STXBP6: variants seen among roughly 807,000 people sequenced by gnomAD.
STXBP6 encodes the protein syntaxin binding protein 6.
In STXBP6, 21 loss-of-function variants were observed where a neutral mutation model predicts 26.9. That is an observed-to-expected ratio of 0.78 (90% CI 0.55 to 1.12). The LOEUF is 1.12. Ranked by LOEUF, STXBP6 falls within the 50% of genes most tolerant of loss-of-function variation. STXBP6 has a pLI of 0.00. For synonymous variants in STXBP6, 97 were observed against 92.6 expected, an observed-to-expected ratio of 1.05 and a Z score of -0.27; for missense variants, 232 against 257.9, an observed-to-expected ratio of 0.90 and a Z score of 0.69.
chr14:24,929,455 C>T (rs1216180053), intron 2 of STXBP6, among the ~76,000 whole-genome samples: 1 of 152,194 alleles, frequency 6.6e-6, no homozygotes, highest in Non-Finnish European at 1.5e-5. Flanking sequence ...TCTGATACAG[C>T]AAATTATTTT....
chr14:24,856,925 C>A, intron 3 of STXBP6, 102 bp downstream of exon 3: 2 of 1,371,666 alleles, frequency 1.5e-6, no homozygotes, highest in South Asian at 1.6e-5. Context: ...GAGAAATAGC[C>A]TTCTTAAGAA....
intron 4 of STXBP6, among the ~76,000 whole-genome samples, chr14:24,838,421 C>T (rs2068686714): frequency 6.6e-6 from 1 of 152,160 alleles, no homozygotes; most frequent in African/African-American, 2.4e-5. Context: ...CGTGGTGGCT[C>T]ATGCCTGTAA....
At chr14:24,934,679 G>C (rs2072535429) in intron 2 of STXBP6, among the ~76,000 whole-genome samples, 3 of 152,182 alleles carry the variant, frequency 2.0e-5, no homozygotes, top group African/African-American at 7.2e-5. Flanking sequence ...AAGCATGTTT[G>C]CAGAATAGAA....
chr14:24,975,799 C>T (rs2074029999), intron 1 of STXBP6, among the ~76,000 whole-genome samples: 1 of 152,202 alleles, frequency 6.6e-6, no homozygotes, highest in Non-Finnish European at 1.5e-5. Context: ...CAAGTTCAAT[C>T]TGAAATATTA....
Position 24,810,647 on chromosome 14 carries a change from A to C in STXBP6, c.*2062T>G, listed in dbSNP as rs971143048. 1 of 152,230 alleles carries C rather than the reference A, an allele frequency of 6.6e-6. No individual in the cohort carries two copies. The highest frequency in any genetic ancestry group is 2.4e-5 in the African/African-American group (1 of 41,468). 9.4% of individuals were successfully genotyped at this position (152,230 alleles called of 1,614,324 possible). Reference sequence around the variant, plus strand: ...TATCAAGAGTAACTATTGTAATTCTACCAGGGAAGAAGAATCTTGGGTTTC... The same window carrying C: ...TATCAAGAGTAACTATTGTAATTCTCCCAGGGAAGAAGAATCTTGGGTTTC... On this transcript the variant is annotated 3_prime_UTR_variant, in exon 6 of 6. Transcript: ENST00000323944.
intron 2 of STXBP6, among the ~76,000 whole-genome samples, chr14:24,962,672 T>C (rs2073588725): frequency 6.6e-6 from 1 of 152,158 alleles, no homozygotes; most frequent in East Asian, 1.9e-4. Context: ...TAAGAGGTTC[T>C]GGTGGACTGG....
intron 2 of STXBP6, among the ~76,000 whole-genome samples, chr14:24,943,050 T>C (rs1023389884): frequency 1.3e-5 from 2 of 152,208 alleles, no homozygotes. Context: ...TCTTCGGAAG[T>C]TGGCTGACAG....
intron 1 of STXBP6, among the ~76,000 whole-genome samples, chr14:25,037,973 A>C (rs2140493724): frequency 6.6e-6 from 1 of 152,328 alleles, no homozygotes; most frequent in East Asian, 1.9e-4. Context: ...TTGAGGATAA[A>C]ATCAGATATC....
intron 2 of STXBP6, among the ~76,000 whole-genome samples, chr14:24,882,148 G>A (rs992360136): frequency 2.0e-5 from 3 of 151,770 alleles, no homozygotes; most frequent in African/African-American, 4.8e-5. Context: ...GGGAGGCCGA[G>A]GCGGGCGGAT....
intron 4 of STXBP6, among the ~76,000 whole-genome samples, chr14:24,855,340 T>C (rs946773665): frequency 7.2e-5 from 11 of 152,144 alleles, no homozygotes; most frequent in Non-Finnish European, 1.6e-4. Flanking sequence ...GTATCAATTC[T>C]CTAAAAAGAA....
chr14:25,021,993 G>A (rs1170213348), intron 1 of STXBP6, among the ~76,000 whole-genome samples: 1 of 152,174 alleles, frequency 6.6e-6, no homozygotes, highest in Non-Finnish European at 1.5e-5. Flanking sequence ...TAAAGCCCAT[G>A]CTCCAACTAG....
intron 5 of STXBP6, among the ~76,000 whole-genome samples, chr14:24,813,892 C>T (rs1164546656): frequency 1.3e-5 from 2 of 152,210 alleles, no homozygotes; most frequent in Non-Finnish European, 2.9e-5. Flanking sequence ...AAGCCACCAG[C>T]AAAGACAGGG....
chr14:24,888,502 T>C (rs1942319276), intron 2 of STXBP6, among the ~76,000 whole-genome samples: 1 of 152,062 alleles, frequency 6.6e-6, no homozygotes. Context: ...GGTGGGCAGA[T>C]CATGAGGTCA....
chr14:24,947,780 C>T (rs1454378736), intron 2 of STXBP6, among the ~76,000 whole-genome samples: 1 of 152,164 alleles, frequency 6.6e-6, no homozygotes, highest in Non-Finnish European at 1.5e-5. Context: ...TGCAGAATGA[C>T]ATTATCACAT....
intron 2 of STXBP6, among the ~76,000 whole-genome samples, chr14:24,928,199 G>A (rs2072249111): frequency 2.0e-5 from 3 of 152,210 alleles, no homozygotes; most frequent in East Asian, 1.9e-4. Context: ...ATTAACAACT[G>A]GAAATTGAAA....
chr14:24,970,542 C>T lies in STXBP6; in HGVS notation c.154+4123G>A, dbSNP rs114643717. Among the ~76,000 whole-genome samples, 1,055 of 152,106 alleles carry T rather than the reference C, an allele frequency of 6.9e-3. 11 individuals are homozygous for T. Among genetic ancestry groups the T allele is most frequent in the African/African-American group, 0.024 (990 of 41,486 alleles). On this transcript the variant is annotated intron_variant, in intron 2 of 5. Coordinates refer to ENST00000323944, the MANE Select transcript of STXBP6 (RefSeq NM_001394410.1). Reference sequence around the variant, plus strand: ...ATGCTTTTGAGATTCATCCATGTTGCTACATATATTGGTAGTTCATTTCTT... The same window carrying T: ...ATGCTTTTGAGATTCATCCATGTTGTTACATATATTGGTAGTTCATTTCTT...
intron 2 of STXBP6, among the ~76,000 whole-genome samples, chr14:24,919,075 TCC>T (rs1341921660): frequency 1.4e-4 from 22 of 152,162 alleles, no homozygotes; most frequent in Non-Finnish European, 2.9e-4. Context: ...TTGCCTAACT[TCC>T]TCCTTCCTCA....
At chr14:24,918,155 G>A (rs570080433) in intron 2 of STXBP6, among the ~76,000 whole-genome samples, 11 of 152,034 alleles carry the variant, frequency 7.2e-5, no homozygotes, top group South Asian at 6.2e-4. Context: ...TATGTGGGGA[G>A]GGGTGGTGAT....
At position 24,810,651 on chromosome 14, in the gene STXBP6, G is replaced by A. The variant is rs1340027053; in HGVS notation, c.*2058C>T. ...AAGAGTAACTATTGTAATTCTACCA[G>A]GGAAGAAGAATCTTGGGTTTCACAG... is the stretch of plus-strand genomic sequence containing the variant. On this transcript the variant is annotated 3_prime_UTR_variant, in exon 6 of 6. Coordinates refer to ENST00000323944, the MANE Select transcript of STXBP6 (RefSeq NM_001394410.1). 1 of 152,172 alleles carries A rather than the reference G, an allele frequency of 6.6e-6. No individual in the cohort carries two copies. Among genetic ancestry groups the A allele is most frequent in the East Asian group, 1.9e-4 (1 of 5,198 alleles). 9.4% of individuals were successfully genotyped at this position (152,172 alleles called of 1,614,324 possible).
Sources: gnomAD v4.1 joint callset for allele counts (sites outside exome capture counted in the v4.1 genomes callset) on GRCh38, gnomAD v4.1.1 for gene constraint, MANE v1.5 for transcripts, NCBI Gene and HGNC (gene_info 2026-07-23, HGNC 2026-07-21) for gene names.